The following MEIS2 variants were observed in gnomAD, a reference collection of about 807,000 sequenced individuals.
MEIS2 encodes Meis homeobox 2, also known as homeobox protein Meis2.
A neutral mutation model predicts 58.6 loss-of-function variants in MEIS2; 9 were observed. That is an observed-to-expected ratio of 0.15 (90% confidence interval 0.09 to 0.27). MEIS2 has a LOEUF of 0.27. MEIS2 is among the 10% of genes least tolerant of loss of function. The pLI, the probability that MEIS2 is intolerant of heterozygous loss-of-function variation, is 1.00. For missense variants in MEIS2, 427 were observed against 635.0 expected, an observed-to-expected ratio of 0.67 and a Z score of 3.52; for synonymous variants, 221 against 228.4, an observed-to-expected ratio of 0.97 and a Z score of 0.29.
At chr15:36,983,247 C>T (rs2059987345) in intron 8 of MEIS2, among the ~76,000 whole-genome samples, 1 of 152,054 alleles carries the variant, frequency 6.6e-6, no homozygotes, top group African/African-American at 2.4e-5. Context: ...AAGATCTTTC[C>T]CTATCTTTTC....
At chr15:36,918,513 A>G (rs1220435586) in intron 9 of MEIS2, among the ~76,000 whole-genome samples, 3 of 152,242 alleles carry the variant, frequency 2.0e-5, no homozygotes, top group Non-Finnish European at 4.4e-5. Flanking sequence ...AATGCTTACA[A>G]TCCTGTAGAC....
chr15:37,030,107 C>T (rs1041037742), intron 8 of MEIS2, among the ~76,000 whole-genome samples: 1 of 152,196 alleles, frequency 6.6e-6, no homozygotes, highest in Admixed American at 6.5e-5. Context: ...CTGTTCATAT[C>T]CTGGAAGACA....
At chr15:36,966,973 G>T (rs1259365500) in intron 8 of MEIS2, among the ~76,000 whole-genome samples, 1 of 152,162 alleles carries the variant, frequency 6.6e-6, no homozygotes, top group Non-Finnish European at 1.5e-5. Flanking sequence ...GAAGTAGCTG[G>T]TGCCAGACCA....
In MEIS2 at chr15:37,093,748, G is replaced by T. The variant is rs1893841589; in HGVS notation, c.490-18C>A. 1 of 1,613,548 alleles carries T rather than the reference G, an allele frequency of 6.2e-7. No individual in the cohort carries two copies. The highest frequency in any genetic ancestry group is 2.2e-5 in the East Asian group (1 of 44,856). Reference sequence around the variant, plus strand: ...TCGTGGACCTAGAACGAAGGTCATGGTGGAGGGTTTAGCTCATGTTGTTGT... The same window carrying T: ...TCGTGGACCTAGAACGAAGGTCATGTTGGAGGGTTTAGCTCATGTTGTTGT... On this transcript the variant is annotated intron_variant, in intron 5 of 11. Transcript: ENST00000561208.
intron 7 of MEIS2, among the ~76,000 whole-genome samples, chr15:37,042,874 C>A (rs1290061871): frequency 6.6e-6 from 1 of 152,148 alleles, no homozygotes; most frequent in African/African-American, 2.4e-5. Context: ...CCCTCAGAGT[C>A]CAGAGATGCT....
rs184212476 is a variant in MEIS2 at position 37,037,392 on chromosome 15, C to T, written c.755-433G>A. Among the ~76,000 whole-genome samples the T allele has an allele frequency of 1.7e-4, 26 of 152,308 alleles. No homozygotes were observed. The South Asian group carries it at 4.6e-3, about 27-fold the overall frequency. On this transcript the variant is annotated intron_variant, in intron 7 of 11. Coordinates refer to ENST00000561208, the MANE Select transcript of MEIS2 (RefSeq NM_170675.5). ...AGGTGACAGTAACTGTGTCACTGTT[C>T]GTTGCACATAACGCACTGCCTGCTC...
intron 9 of MEIS2, among the ~76,000 whole-genome samples, chr15:36,948,397 T>C (rs991491038): frequency 6.6e-6 from 1 of 152,018 alleles, no homozygotes; most frequent in East Asian, 1.9e-4. Context: ...TGCTAGATTG[T>C]AGATTCTAAA....
chr15:37,076,069 G>A (rs937356629), intron 7 of MEIS2, among the ~76,000 whole-genome samples: 2 of 151,986 alleles, frequency 1.3e-5, no homozygotes, highest in Admixed American at 6.6e-5. Context: ...CAAGACTACC[G>A]AGGGATAAAT....
chr15:36,898,448 T>A (rs1411684663), intron 9 of MEIS2: 1 of 152,198 alleles, frequency 6.6e-6, no homozygotes, highest in African/African-American at 2.4e-5. Context: ...TCGGCAGGGG[T>A]TTTACCCCCT....
intron 8 of MEIS2, among the ~76,000 whole-genome samples, chr15:36,970,240 A>G (rs2059494245): frequency 6.6e-6 from 1 of 152,038 alleles, no homozygotes; most frequent in Admixed American, 6.6e-5. Flanking sequence ...CGTCTCTACT[A>G]AAAATACAAA....
intron 9 of MEIS2, among the ~76,000 whole-genome samples, chr15:36,948,833 C>T (rs1305772641): frequency 6.6e-6 from 1 of 152,096 alleles, no homozygotes; most frequent in East Asian, 1.9e-4. Flanking sequence ...ACACATCCCC[C>T]TCCAGAGGGG....
At chr15:37,061,097 C>A (rs929089933) in intron 7 of MEIS2, among the ~76,000 whole-genome samples, 2 of 152,104 alleles carry the variant, frequency 1.3e-5, no homozygotes, top group African/African-American at 4.8e-5. Context: ...GTGCGGCTAC[C>A]CAAGGCTGCA....
rs966107085 is a variant in MEIS2, at chr15:36,965,141, C to T, written c.901-14741G>A. On this transcript the variant is annotated intron_variant, in intron 8 of 11. Transcript: ENST00000561208. ...TTCCCTATGTTGAAAATCCATGAGG[C>T]TAACTACTTCCTAGGAATAATTATT... Among the ~76,000 whole-genome samples, 3 of 152,130 alleles carry T rather than the reference C, an allele frequency of 2.0e-5. 1 individual carries two copies. Among genetic ancestry groups the T allele is most frequent in the Non-Finnish European group, 4.4e-5 (3 of 68,004 alleles).
chr15:37,050,576 G>A (rs1596015036), intron 7 of MEIS2, among the ~76,000 whole-genome samples: 1 of 152,202 alleles, frequency 6.6e-6, no homozygotes, highest in South Asian at 2.1e-4. Flanking sequence ...ATTAGGAAGA[G>A]TATCCGACAT....
chr15:36,904,640 T>TC (rs141781151), intron 9 of MEIS2, among the ~76,000 whole-genome samples: 51,029 of 117,342 alleles, frequency 0.43, 8,965 homozygotes, highest in Non-Finnish European at 0.46. Context: ...ATTTTCTTCT[T>TC]TTTTTTTTTT....
At chr15:36,959,148 CCT>C (rs1245580376) in intron 8 of MEIS2, among the ~76,000 whole-genome samples, 1 of 152,118 alleles carries the variant, frequency 6.6e-6, no homozygotes, top group African/African-American at 2.4e-5. Flanking sequence ...CGCTGGCTTT[CCT>C]CTCTTTTAAG....
intron 8 of MEIS2, among the ~76,000 whole-genome samples, chr15:37,027,310 G>T (rs921257360): frequency 1.3e-5 from 2 of 152,170 alleles, no homozygotes; most frequent in Non-Finnish European, 2.9e-5. Context: ...AGTCTTGAAT[G>T]TTAGGGTCAC....
chr15:37,099,252 ACACG>A, intron 1 of MEIS2, 199 bp downstream of exon 1: 1 of 1,440,336 alleles, frequency 6.9e-7, no homozygotes, highest in South Asian at 1.5e-5. Flanking sequence ...AGACACGCAC[ACACG>A]CACGCACACA....
At chr15:36,935,071 C>T (rs2058112259) in intron 9 of MEIS2, among the ~76,000 whole-genome samples, 1 of 152,084 alleles carries the variant, frequency 6.6e-6, no homozygotes, top group Admixed American at 6.5e-5. Context: ...TGGTTAGAGT[C>T]CAAGGTCACA....
Sources: gnomAD v4.1 joint callset for allele counts (sites outside exome capture counted in the v4.1 genomes callset) on GRCh38, gnomAD v4.1.1 for gene constraint, MANE v1.5 for transcripts, NCBI Gene and HGNC (gene_info 2026-07-23, HGNC 2026-07-21) for gene names.